Variants in EEF1G observed in about 807,000 individuals in gnomAD.
EEF1G encodes eukaryotic translation elongation factor 1 gamma.
EEF1G carries 14 observed loss-of-function variants against 58.3 expected under a neutral mutation model. That is an observed-to-expected ratio of 0.24 (90% CI 0.16 to 0.38). EEF1G has a LOEUF of 0.38. EEF1G is among the 10% of genes least tolerant of loss of function. The probability of loss-of-function intolerance (pLI) is 1.00; values close to 1 mark genes in which losing one functional copy is unlikely to be tolerated. For missense variants in EEF1G, 322 were observed against 550.1 expected (o/e 0.59, Z 4.15); for synonymous variants, 180 against 206.8 (o/e 0.87, Z 1.11).
intron 7 of EEF1G, among the ~76,000 whole-genome samples, chr11:62,566,026 AGAG>A (rs1941551898): frequency 6.6e-6 from 1 of 152,174 alleles, no homozygotes. Flanking sequence ...GTACAGAGAA[AGAG>A]GAGTTCCAAA....
At chr11:62,563,505 G>T (rs1941522620) in intron 7 of EEF1G, among the ~76,000 whole-genome samples, 1 of 152,158 alleles carries the variant, frequency 6.6e-6, no homozygotes, top group South Asian at 2.1e-4. Context: ...GACCACCTGA[G>T]ATCAGGAGTT....
At position 62,572,594 on chromosome 11, in the gene EEF1G, G is replaced by A. The variant is rs2134297716; in HGVS notation, c.161C>T (p.Pro54Leu). Residue 54 changes from proline (P) to leucine (L), a missense_variant, in exon 2 of 10, where the codon CCT (proline) becomes CTT (leucine). By Grantham distance (98) the Pro-to-Leu change is moderately conservative. Around this residue, in one of 3 missense-constraint regions of EEF1G, gnomAD observed 62 missense variants for 87.0 expected, o/e 0.71. Transcript: ENST00000329251. ...NRTPEFLRKF[P>L]AGKVPAFEGD... ...CATCTCCCAACTCACCTTGCCGGCA[G>A]GAAATTTGCGGAGAAATTCAGGGGT... The A allele has an allele frequency of 1.2e-6, 2 of 1,612,058 alleles. No homozygotes were observed. Among genetic ancestry groups the A allele is most frequent in the Admixed American group, 3.3e-5 (2 of 60,020 alleles).
chr11:62,572,601 T>C lies in EEF1G; in HGVS notation c.154A>G (p.Lys52Glu). The part of the protein sequence containing the change: ...QTNRTPEFLR[K>E]FPAGKVPAFE... ...CAACTCACCTTGCCGGCAGGAAATT[T>C]GCGGAGAAATTCAGGGGTGCGGTTG... is the stretch of plus-strand genomic sequence containing the variant. The change falls in exon 2 of 10, where the codon AAA (lysine) becomes GAA (glutamate). Residue 52 changes from lysine to glutamate, a missense_variant. Physicochemically the swap from Lys to Glu is moderately conservative, Grantham distance 56. Around this residue, in one of 3 missense-constraint regions of EEF1G, gnomAD observed 62 missense variants for 87.0 expected, o/e 0.71. Coordinates refer to ENST00000329251, the MANE Select transcript of EEF1G (RefSeq NM_001404.5). The C allele has an allele frequency of 6.2e-7, 1 of 1,612,032 alleles. No homozygotes were observed. Among genetic ancestry groups the C allele is most frequent in the Non-Finnish European group, 8.5e-7 (1 of 1,179,832 alleles).
chr11:62,562,996 G>A (rs1024093526), intron 7 of EEF1G, among the ~76,000 whole-genome samples: 3 of 151,854 alleles, frequency 2.0e-5, no homozygotes, highest in African/African-American at 7.2e-5. Flanking sequence ...TGTAATCCCA[G>A]CTACTCAGAA....
chr11:62,573,583 C>G (rs1017024715), intron 1 of EEF1G: 5 of 600,640 alleles, frequency 8.3e-6, no homozygotes, highest in Non-Finnish European at 1.2e-5. Flanking sequence ...CTTTCTCAGG[C>G]TTCGGACGGC....
At chr11:62,565,046 C>T (rs1941541146) in intron 7 of EEF1G, among the ~76,000 whole-genome samples, 1 of 151,492 alleles carries the variant, frequency 6.6e-6, no homozygotes, top group Non-Finnish European at 1.5e-5. Flanking sequence ...GCACTCCAGC[C>T]TGGGTGACAG....
At chr11:62,562,197 C>G (rs973191048) in intron 7 of EEF1G, among the ~76,000 whole-genome samples, 4 of 152,118 alleles carry the variant, frequency 2.6e-5, no homozygotes, top group African/African-American at 9.7e-5. Flanking sequence ...CATGTTTTTA[C>G]CTCTGTAAAA....
chr11:62,566,765 C>G, intron 7 of EEF1G, 41 bp downstream of exon 7: 1 of 1,593,822 alleles, frequency 6.3e-7, no homozygotes, highest in Non-Finnish European at 8.6e-7. Context: ...TGAGAACAGG[C>G]CTTCTTTGGT....
chr11:62,563,661 C>A (rs1941524151), intron 7 of EEF1G, among the ~76,000 whole-genome samples: 1 of 152,194 alleles, frequency 6.6e-6, no homozygotes, highest in African/African-American at 2.4e-5. Flanking sequence ...TTAGTTGGTT[C>A]TATTGTTCAT....
intron 3 of EEF1G, 64 bp from the exon 4 acceptor site, chr11:62,571,746 A>C (rs1941634127): frequency 6.4e-7 from 1 of 1,565,386 alleles, no homozygotes; most frequent in Non-Finnish European, 8.7e-7. Flanking sequence ...CAGGTCCTGG[A>C]GAATTCCTTC....
intron 3 of EEF1G, 69 bp from the exon 4 acceptor site, chr11:62,571,751 T>C: frequency 6.4e-7 from 1 of 1,562,932 alleles, no homozygotes; most frequent in Non-Finnish European, 8.7e-7. Context: ...CCTGGAGAAT[T>C]CCTTCATATC....
chr11:62,566,679 T>C lies in EEF1G; in HGVS notation c.857+127A>G, dbSNP rs757012839. On this transcript the variant is annotated intron_variant, in intron 7 of 9. Transcript: ENST00000329251. The stretch of plus-strand genomic sequence containing the variant: ...GCCAGAAAGCTGCTTTATTTGCAAC[T>C]AAAATATACCTTTAACTTTATATGG... 3.5e-5 allele frequency: 33 copies of C among 930,720 alleles called. No individual in the cohort carries two copies. The Middle Eastern group carries it at 7.4e-4, about 21-fold the overall frequency. The allele number at this position is 930,720 out of a possible 1,614,324, so 57.7% of individuals were successfully genotyped here.
intron 5 of EEF1G, 39 bp downstream of exon 5, chr11:62,570,926 C>T: frequency 6.2e-7 from 1 of 1,612,928 alleles, no homozygotes; most frequent in South Asian, 1.1e-5. Context: ...TTCTAATCCC[C>T]ATCTACCCAC....
chr11:62,563,791 A>G (rs1941526067), intron 7 of EEF1G, among the ~76,000 whole-genome samples: 1 of 152,184 alleles, frequency 6.6e-6, no homozygotes, highest in African/African-American at 2.4e-5. Flanking sequence ...TGACCTGTCC[A>G]AGATTACACT....
intron 5 of EEF1G, among the ~76,000 whole-genome samples, chr11:62,570,084 G>A (rs972710980): frequency 2.8e-5 from 4 of 145,282 alleles, no homozygotes; most frequent in Admixed American, 2.7e-4. Flanking sequence ...TTTTTGAGAT[G>A]GAGTCTCGCT....
chr11:62,566,776 C>A, intron 7 of EEF1G, 30 bp downstream of exon 7: 3 of 1,609,950 alleles, frequency 1.9e-6, no homozygotes, highest in South Asian at 1.1e-5. Context: ...CTTCTTTGGT[C>A]CCACACCCTC....
At chr11:62,573,661 C>T (rs1025776119) in intron 1 of EEF1G, 170 bp downstream of exon 1, 4 of 944,494 alleles carry the variant, frequency 4.2e-6, no homozygotes, top group Non-Finnish European at 6.5e-6. Context: ...GAGCCCCAGC[C>T]TCAGTTCCCC....
Position 62,560,128 on chromosome 11 carries a change from T to C in EEF1G, c.1096A>G (p.Asn366Asp), listed in dbSNP as rs1941478172. 6.2e-7 allele frequency: 1 copy of C among 1,614,006 alleles called. No individual in the cohort carries two copies. The highest frequency in any genetic ancestry group is 2.2e-5 in the East Asian group (1 of 44,890). ...ACTCCAGAAATGGAGCTGCTATTGT[T>C]GGTTCCAAAAAGGATGACACTGGCG... is the stretch of plus-strand genomic sequence containing the variant. ...AFASVILFGT[N>D]NSSSISGVWV... Residue 366 changes from asparagine to aspartate, a missense_variant, in exon 9 of 10, where the codon AAC becomes GAC. By Grantham distance (23) the Asn-to-Asp change is conservative (BLOSUM62 1). Coordinates refer to ENST00000329251, the MANE Select transcript of EEF1G (RefSeq NM_001404.5).
intron 5 of EEF1G, among the ~76,000 whole-genome samples, chr11:62,568,488 G>A (rs902917192): frequency 6.6e-6 from 1 of 151,404 alleles, no homozygotes; most frequent in Non-Finnish European, 1.5e-5. Flanking sequence ...CTCCTGCCCT[G>A]GCCTCCTAAA....
Sources: gnomAD v4.1 joint callset for allele counts (sites outside exome capture counted in the v4.1 genomes callset) on GRCh38, gnomAD v4.1.1 for gene constraint, gnomAD v4.1.1 regional missense constraint, MANE v1.5 for transcripts, NCBI Gene and HGNC (gene_info 2026-07-23, HGNC 2026-07-21) for gene names.